Variants in ATP2B2 observed in about 807,000 individuals in gnomAD.
ATP2B2 encodes the protein ATPase plasma membrane Ca2+ transporting 2, also known as plasma membrane calcium-transporting ATPase 2.
A neutral mutation model predicts 120.0 loss-of-function variants in ATP2B2; 15 were observed. That is an observed-to-expected ratio of 0.12 (90% CI 0.08 to 0.19). The LOEUF (loss-of-function observed/expected upper bound fraction) is 0.19. ATP2B2 is among the 10% of genes least tolerant of loss of function. The pLI is 1.00. For missense variants in ATP2B2, 1,045 were observed against 1,719.8 expected (o/e 0.61, Z 6.94); for synonymous variants, 694 against 700.3 (o/e 0.99, Z 0.14).
intron 5 of ATP2B2, among the ~76,000 whole-genome samples, chr3:10,397,181 G>A (rs2062065776): frequency 6.6e-6 from 1 of 152,214 alleles, no homozygotes. Context: ...CAGAGCCTAA[G>A]GTCTGCAGGG....
Position 10,445,984 on chromosome 3 carries a change from G to C in ATP2B2, c.199+3361C>G, listed in dbSNP as rs2063824145. Among the ~76,000 whole-genome samples the C allele has an allele frequency of 3.3e-5, 5 of 152,200 alleles. No individual in the cohort carries two copies. The South Asian group carries it at 1.0e-3, about 32-fold the overall frequency. On this transcript the variant is annotated intron_variant, in intron 2 of 22. Coordinates refer to ENST00000360273, the MANE Select transcript of ATP2B2 (RefSeq NM_001001331.4). ...TGTCCCTTGGCCCCACCCTATTCAG[G>C]CCTTGTCCTACAGTGGATGCCAGAG...
In ATP2B2 at chr3:10,378,253, C is replaced by T. The variant is rs201861535; in HGVS notation, c.1200G>A (p.Ala400=). The change falls in exon 10 of 23, where the codon GCG becomes GCA. Residue 400 remains alanine, a splice_region_variant and synonymous_variant. Transcript: ENST00000360273. ...CTGCCTCCCACCTGCTGCACTCACC[C>T]GCCTTCCCGATCTGCACAGCCAGCT... ...LTKLAVQIGK[A]GLVMSAITVI... 134 of 1,606,330 alleles carry T rather than the reference C, an allele frequency of 8.3e-5. No homozygotes were observed. Among genetic ancestry groups the T allele is most frequent in the East Asian group, 2.9e-4 (13 of 44,886 alleles).
rs756466022 is a variant in ATP2B2 at position 10,327,532 on chromosome 3, T to C, written c.*1282A>G. On this transcript the variant is annotated 3_prime_UTR_variant, in exon 23 of 23. Transcript: ENST00000360273. ...TTAATAAGGAAACAAACCTGTAAGTTACTAAATAAAAAAAAAAATCAACAC... is the reference window on the plus strand; with the variant it reads ...TTAATAAGGAAACAAACCTGTAAGTCACTAAATAAAAAAAAAAATCAACAC... The C allele has an allele frequency of 7.9e-5, 12 of 152,516 alleles. No individual in the cohort carries two copies. The highest frequency in any genetic ancestry group is 1.4e-4 in the African/African-American group (6 of 41,400). The allele number at this position is 152,516 out of a possible 1,614,324, so 9.4% of individuals were successfully genotyped here. A position where few individuals can be genotyped will look rare whatever the true frequency, so the allele number is the denominator to read the frequency against.
At chr3:10,389,332 C>T (rs1172936354) in intron 5 of ATP2B2, among the ~76,000 whole-genome samples, 1 of 152,206 alleles carries the variant, frequency 6.6e-6, no homozygotes, top group Non-Finnish European at 1.5e-5. Flanking sequence ...GCAACTTGTC[C>T]AACAGCAAGC....
chr3:10,667,992 T>C (rs1287762996), intron 1 of ATP2B2, among the ~76,000 whole-genome samples: 1 of 148,464 alleles, frequency 6.7e-6, no homozygotes, highest in East Asian at 2.1e-4. Context: ...CGAGGACAGA[T>C]AGTGCAGGGG....
intron 2 of ATP2B2, among the ~76,000 whole-genome samples, chr3:10,609,442 C>A (rs547695379): frequency 6.6e-6 from 1 of 152,232 alleles, no homozygotes; most frequent in South Asian, 2.1e-4. Context: ...CTCCTCGGCG[C>A]GCCTGGCTGA....
At chr3:10,349,988 T>G in intron 16 of ATP2B2, 124 bp downstream of exon 16, 1 of 938,200 alleles carries the variant, frequency 1.1e-6, no homozygotes, top group Non-Finnish European at 1.6e-6. Context: ...TGTGCCCAGG[T>G]GTGGAGAGTC....
chr3:10,655,686 C>T (rs773618955), intron 1 of ATP2B2, among the ~76,000 whole-genome samples: 1 of 152,246 alleles, frequency 6.6e-6, no homozygotes, highest in Non-Finnish European at 1.5e-5. Flanking sequence ...CCTGCCTACA[C>T]TAATTCCACC....
At chr3:10,705,033 A>C (rs186166288) in intron 1 of ATP2B2, among the ~76,000 whole-genome samples, 68 of 152,364 alleles carry the variant, frequency 4.5e-4, no homozygotes, top group African/African-American at 1.6e-3. Flanking sequence ...CTGCTGTTAC[A>C]AATGCTAGCA....
intron 2 of ATP2B2, among the ~76,000 whole-genome samples, chr3:10,429,605 C>T (rs2063250440): frequency 6.6e-6 from 1 of 152,166 alleles, no homozygotes; most frequent in Non-Finnish European, 1.5e-5. Context: ...CTCTCCATCT[C>T]CTTGGGCCTC....
chr3:10,624,233 G>T (rs1442107677), intron 1 of ATP2B2, among the ~76,000 whole-genome samples: 3 of 152,198 alleles, frequency 2.0e-5, no homozygotes, highest in African/African-American at 7.2e-5. Flanking sequence ...TGGCCTCAAA[G>T]ATCTCTCAGG....
chr3:10,674,985 C>T (rs1348590993), intron 1 of ATP2B2, among the ~76,000 whole-genome samples: 1 of 152,192 alleles, frequency 6.6e-6, no homozygotes, highest in Non-Finnish European at 1.5e-5. Context: ...CAATTTAGAA[C>T]GGTCCAGGCT....
At chr3:10,622,008 T>G (rs1319908454) in intron 1 of ATP2B2, among the ~76,000 whole-genome samples, 1 of 152,196 alleles carries the variant, frequency 6.6e-6, no homozygotes, top group Non-Finnish European at 1.5e-5. Flanking sequence ...CTCCACACAT[T>G]TGTCTGCTGA....
At chr3:10,388,106 A>C (rs971535785) in intron 6 of ATP2B2, 171 bp downstream of exon 6, 4 of 904,160 alleles carry the variant, frequency 4.4e-6, no homozygotes, top group African/African-American at 3.3e-5. Context: ...GAGATGGAAC[A>C]GACAGAGCCT....
At chr3:10,705,439 G>C (rs1461362369) in intron 1 of ATP2B2, among the ~76,000 whole-genome samples, 3 of 152,216 alleles carry the variant, frequency 2.0e-5, no homozygotes, top group Non-Finnish European at 4.4e-5. Context: ...TCAAGGTCCA[G>C]GTTACAGGTT....
intron 2 of ATP2B2, among the ~76,000 whole-genome samples, chr3:10,417,522 G>A (rs2062832571): frequency 6.6e-6 from 1 of 152,240 alleles, no homozygotes; most frequent in South Asian, 2.1e-4. Flanking sequence ...CAAGACTCAA[G>A]ATCCTCCTAT....
chr3:10,398,238 C>G (rs1237703334), intron 5 of ATP2B2, among the ~76,000 whole-genome samples: 1 of 152,212 alleles, frequency 6.6e-6, no homozygotes, highest in Non-Finnish European at 1.5e-5. Context: ...GACCCAAGAA[C>G]CAGCACGAAC....
chr3:10,503,532 C>T (rs187509707), intron 1 of ATP2B2, among the ~76,000 whole-genome samples: 1 of 152,370 alleles, frequency 6.6e-6, no homozygotes, highest in African/African-American at 2.4e-5. Context: ...TCGGAAGTCC[C>T]TTAAGGGGCA....
intron 2 of ATP2B2, among the ~76,000 whole-genome samples, chr3:10,572,199 G>C (rs188896844): frequency 3.8e-4 from 58 of 152,376 alleles, no homozygotes; most frequent in African/African-American, 1.4e-3. Flanking sequence ...CCCATCTGCA[G>C]ACTTGGGAGC....
Sources: gnomAD v4.1 joint callset for allele counts (sites outside exome capture counted in the v4.1 genomes callset) on GRCh38, gnomAD v4.1.1 for gene constraint, MANE v1.5 for transcripts, NCBI Gene and HGNC (gene_info 2026-07-23, HGNC 2026-07-21) for gene names.